The following SYNCRIP variants were observed in gnomAD, a reference collection of about 807,000 sequenced individuals.
SYNCRIP encodes heterogeneous nuclear ribonucleoprotein Q.
A neutral mutation model predicts 68.9 loss-of-function variants in SYNCRIP; 9 were observed. The observed-to-expected ratio is 0.13, with a 90% CI of 0.08 to 0.23. The LOEUF is 0.23. Ranked by LOEUF, SYNCRIP falls within the 10% of genes least tolerant of loss-of-function variation. SYNCRIP has a pLI of 1.00. For missense variants in SYNCRIP, 414 were observed against 770.6 expected (o/e 0.54, Z 5.48); for synonymous variants, 258 against 254.0 (o/e 1.02, Z -0.15).
downstream of SYNCRIP, chr6:85,611,840 T>C (rs1421220518): frequency 6.6e-6 from 1 of 152,596 alleles, no homozygotes; most frequent in African/African-American, 2.4e-5. Flanking sequence ...TACAGCCATA[T>C]ACTAATTTCT....
At position 85,614,325 on chromosome 6, in the gene SYNCRIP, G is replaced by A; in HGVS notation, c.*431C>T. 2 of 987,268 alleles carry A rather than the reference G, an allele frequency of 2.0e-6. No individual in the cohort carries two copies. Among genetic ancestry groups the A allele is most frequent in the Non-Finnish European group, 2.4e-6 (2 of 830,974 alleles). 61.2% of individuals were successfully genotyped at this position (987,268 alleles called of 1,614,324 possible). On this transcript the variant is annotated 3_prime_UTR_variant, in exon 11 of 11. Coordinates refer to ENST00000369622, the MANE Select transcript of SYNCRIP (RefSeq NM_006372.5). ...TCAAAGTTCTAAATTAAAAATAGCA[G>A]TTGTGTATCAATTTACCTTATTCTA...
intron 6 of SYNCRIP, among the ~76,000 whole-genome samples, chr6:85,632,759 T>C (rs1014079008): frequency 1.3e-5 from 2 of 151,176 alleles, no homozygotes; most frequent in Non-Finnish European, 2.9e-5. Flanking sequence ...CTGGACAACA[T>C]AGTGAGACAC....
At chr6:85,641,537 C>T (rs952849252) in intron 1 of SYNCRIP, 86 bp from the exon 2 acceptor site, 20 of 1,328,578 alleles carry the variant, frequency 1.5e-5, no homozygotes, top group African/African-American at 1.5e-5. Context: ...ACTTTCTCTA[C>T]CATTTACTAC....
chr6:85,618,158 T>C (rs1025168658), intron 10 of SYNCRIP, among the ~76,000 whole-genome samples: 1 of 152,070 alleles, frequency 6.6e-6, no homozygotes, highest in African/African-American at 2.4e-5. Context: ...GAGAAAAAAC[T>C]CTCCACCCTT....
Position 85,619,272 on chromosome 6 carries a change from A to G in SYNCRIP, c.1154T>C (p.Val385Ala), listed in dbSNP as rs187026540. 4.3e-6 allele frequency: 7 copies of G among 1,613,820 alleles called. No individual in the cohort carries two copies. In the Admixed American group the frequency reaches 6.7e-5, roughly 15 times the overall value. The change falls in exon 9 of 11, where the codon GTC becomes GCC. Residue 385 changes from valine to alanine, a missense_variant. Val to Ala is a moderately conservative substitution (Grantham distance 64). Transcript: ENST00000369622. Reference protein sequence around the residue: ...FIHFDERDGAVKAMEEMNGKD... With the variant: ...FIHFDERDGAAKAMEEMNGKD... ...CTGTAATTCCACCATATTTACCTTG[A>G]CAGCACCATCTCGCTCATCAAAATG...
At chr6:85,613,333 G>A (rs1328607884), downstream of SYNCRIP, among the ~76,000 whole-genome samples, 1 of 152,172 alleles carries the variant, frequency 6.6e-6, no homozygotes, top group Admixed American at 6.5e-5. Flanking sequence ...GTTTGACCTT[G>A]AGATTTGAAA....
At chr6:85,623,579 A>AAAAAAAAAACAAAAAAAAAAAAC (rs1554184894) in intron 7 of SYNCRIP, among the ~76,000 whole-genome samples, 12 of 125,750 alleles carry the variant, frequency 9.5e-5, no homozygotes, top group East Asian at 2.8e-4. Flanking sequence ...AAAAAAAAAA[A>AAAAAAAAAACAAAAAAAAAAAAC]AAAACACTCT....
downstream of SYNCRIP, chr6:85,613,049 A>G (rs1204522477): frequency 1.7e-6 from 2 of 1,152,516 alleles, no homozygotes; most frequent in African/African-American, 1.6e-5. Flanking sequence ...TCTAGCCAAA[A>G]AAGTTGCCTT....
intron 6 of SYNCRIP, among the ~76,000 whole-genome samples, chr6:85,630,116 C>T (rs992410602): frequency 6.6e-6 from 1 of 152,010 alleles, no homozygotes; most frequent in East Asian, 1.9e-4. Context: ...AATCCCAGCA[C>T]TTTGGGAGGC....
chr6:85,622,527 T>C lies in SYNCRIP; in HGVS notation c.963A>G (p.Glu321=). The part of the protein sequence containing the change: ...VKVWGNVGTV[E]WADPIEDPDP... ...CAGGATCTTCTATAGGATCAGCCCA[T>C]TCAACAGTTCCAACATTCCCCCAGA... Residue 321 remains glutamate (E), a synonymous_variant, in exon 8 of 11, where the codon GAA becomes GAG. Transcript: ENST00000369622. The C allele has an allele frequency of 6.2e-7, 1 of 1,609,576 alleles. No homozygotes were observed. Among genetic ancestry groups the C allele is most frequent in the Non-Finnish European group, 8.5e-7 (1 of 1,177,220 alleles).
chr6:85,620,749 C>T (rs541173272), intron 8 of SYNCRIP, among the ~76,000 whole-genome samples: 2 of 152,292 alleles, frequency 1.3e-5, no homozygotes, highest in East Asian at 3.9e-4. Context: ...GGGCAGAAGT[C>T]ATATGGCAAT....
At chr6:85,616,531 C>T (rs1805794885) in intron 10 of SYNCRIP, among the ~76,000 whole-genome samples, 1 of 152,166 alleles carries the variant, frequency 6.6e-6, no homozygotes, top group South Asian at 2.1e-4. Context: ...ACCATGTTGG[C>T]CAGGCTGGTC....
chr6:85,640,814 G>A (rs915020481), intron 2 of SYNCRIP, among the ~76,000 whole-genome samples: 2 of 151,886 alleles, frequency 1.3e-5, no homozygotes, highest in African/African-American at 4.8e-5. Context: ...TGATAACTCT[G>A]AACACTACGG....
chr6:85,619,136 A>T (rs886309989), intron 9 of SYNCRIP, 132 bp downstream of exon 9: 3 of 1,356,970 alleles, frequency 2.2e-6, no homozygotes, highest in African/African-American at 3.0e-5. Context: ...CATCACTAAA[A>T]CCAAAAGGTT....
intron 6 of SYNCRIP, among the ~76,000 whole-genome samples, chr6:85,631,825 AG>A (rs1318570188): frequency 6.6e-6 from 1 of 152,228 alleles, no homozygotes; most frequent in Non-Finnish European, 1.5e-5. Context: ...GTATGGCCTC[AG>A]GCAAGTCTAT....
At chr6:85,612,609 T>A (rs891967727), downstream of SYNCRIP, 14 of 295,340 alleles carry the variant, frequency 4.7e-5, no homozygotes, top group Non-Finnish European at 7.5e-5. Flanking sequence ...TAAGATACCA[T>A]GCTAGGAGTT....
intron 10 of SYNCRIP, among the ~76,000 whole-genome samples, chr6:85,616,284 ATAATT>A (rs1562075783): frequency 6.6e-6 from 1 of 152,164 alleles, no homozygotes; most frequent in African/African-American, 2.4e-5. Flanking sequence ...TCTTGAAGGA[ATAATT>A]TACTCGTGTT....
rs191579560 is a variant in SYNCRIP at position 85,614,670 on chromosome 6, C to A, written c.*86G>T. 1.4e-6 allele frequency: 2 copies of A among 1,453,484 alleles called. No homozygotes were observed. 90.0% of individuals were successfully genotyped at this position (1,453,484 alleles called of 1,614,324 possible). A position where few individuals can be genotyped will look rare whatever the true frequency, so the allele number is the denominator to read the frequency against. On this transcript the variant is annotated 3_prime_UTR_variant, in exon 11 of 11. Coordinates refer to ENST00000369622, the MANE Select transcript of SYNCRIP (RefSeq NM_006372.5). Reference sequence around the variant, plus strand: ...CATAAAGGGAAATCTTGCCAGATGTCACAAATTATAGCGGCACCCGTTCAG... The same window carrying A: ...CATAAAGGGAAATCTTGCCAGATGTAACAAATTATAGCGGCACCCGTTCAG...
chr6:85,629,159 C>CA (rs759474370), intron 6 of SYNCRIP, among the ~76,000 whole-genome samples: 14 of 152,010 alleles, frequency 9.2e-5, no homozygotes, highest in Non-Finnish European at 1.8e-4. Flanking sequence ...GTTTTATTTC[C>CA]ACAAAACACT....
Sources: allele counts gnomAD v4.1 joint callset (sites outside exome capture counted in the v4.1 genomes callset), GRCh38; gene constraint gnomAD v4.1.1; transcripts MANE v1.5; gene names NCBI Gene and HGNC (gene_info 2026-07-23, HGNC 2026-07-21).